The following ZNF782 variants were observed in gnomAD, a reference collection of about 807,000 sequenced individuals.
ZNF782 encodes zinc finger protein 782.
ZNF782 carries 12 observed loss-of-function variants against 13.0 expected under a neutral mutation model. The ratio of observed to expected loss-of-function variants is 0.92; its 90% CI spans 0.59 to 1.50. The LOEUF (loss-of-function observed/expected upper bound fraction) is 1.50, where lower values mean the gene tolerates loss of function less well. Ranked by LOEUF, ZNF782 falls within the 40% of genes most tolerant of loss-of-function variation. The pLI, the probability that ZNF782 is intolerant of heterozygous loss-of-function variation, is 0.00. For synonymous variants in ZNF782, 284 were observed against 283.0 expected (o/e 1.00, Z -0.04); for missense variants, 770 against 822.9 (o/e 0.94, Z 0.79).
intron 4 of ZNF782, among the ~76,000 whole-genome samples, chr9:96,833,097 G>T (rs573715579): frequency 6.6e-6 from 1 of 152,168 alleles, no homozygotes; most frequent in South Asian, 2.1e-4. Context: ...CACATGTAAT[G>T]ATTTTTTAAA....
the ZNF782 span, among the ~76,000 whole-genome samples, chr9:96,930,886 T>TG: frequency 2.8e-5 from 2 of 70,692 alleles, no homozygotes; most frequent in Non-Finnish European, 5.3e-5. Context: ...TTTTTTTTTT[T>TG]TTTTTTTTTT....
chr9:96,822,359 A>G lies in ZNF782; in HGVS notation c.245-2581T>C, dbSNP rs78174006. ...GAGACCATTCTTTTTAGTGGGTTAT[A>G]ATCCAGGTGGGAATGGAGCACATTC... On this transcript the variant is annotated intron_variant, in intron 5 of 5. Coordinates refer to ENST00000481138, the MANE Select transcript of ZNF782 (RefSeq NM_001001662.3). Among the ~76,000 whole-genome samples the G allele has an allele frequency of 2.3e-4, 35 of 152,372 alleles. No homozygotes were observed. In the East Asian group the frequency reaches 5.2e-3, roughly 23 times the overall value.
the ZNF782 span, among the ~76,000 whole-genome samples, chr9:96,907,507 G>A: frequency 3.9e-5 from 6 of 152,294 alleles, no homozygotes; most frequent in Admixed American, 1.3e-4. Context: ...GTAGTTTACC[G>A]CAATTTAAAA....
At chr9:96,859,996 A>G (rs1422920915) in intron 3 of ZNF782, among the ~76,000 whole-genome samples, 1 of 152,104 alleles carries the variant, frequency 6.6e-6, no homozygotes, top group African/African-American at 2.4e-5. Flanking sequence ...AATCCGCATG[A>G]GACTGTGATG....
intron 1 of ZNF782, among the ~76,000 whole-genome samples, chr9:96,868,949 G>A (rs377419572): frequency 7.2e-5 from 11 of 152,100 alleles, no homozygotes; most frequent in African/African-American, 2.7e-4. Flanking sequence ...TGATGTCGAT[G>A]TTCCTGGCAG....
upstream of ZNF782, among the ~76,000 whole-genome samples, chr9:96,855,308 G>GT (rs1410359938): frequency 9.9e-5 from 15 of 152,140 alleles, no homozygotes. Flanking sequence ...GGTTACATGA[G>GT]TAAGTTCTTT....
At chr9:96,873,888 T>C (rs151263578) in intron 1 of ZNF782, among the ~76,000 whole-genome samples, 40 of 152,300 alleles carry the variant, frequency 2.6e-4, no homozygotes, top group African/African-American at 9.1e-4. Flanking sequence ...GAAACTAAGT[T>C]TCTAGTAGGG....
chr9:96,927,447 C>T, the ZNF782 span, among the ~76,000 whole-genome samples: 1 of 151,862 alleles, frequency 6.6e-6, no homozygotes, highest in Non-Finnish European at 1.5e-5. Flanking sequence ...ATAATGGCTA[C>T]TCCTGACTTC....
the ZNF782 span, chr9:96,891,229 A>G: frequency 6.6e-6 from 1 of 152,190 alleles, no homozygotes; most frequent in Non-Finnish European, 1.5e-5. Context: ...CAACTTTCTG[A>G]GTGTATTTAA....
chr9:96,866,179 G>A (rs1588175654), intron 1 of ZNF782, among the ~76,000 whole-genome samples: 1 of 152,318 alleles, frequency 6.6e-6, no homozygotes, highest in East Asian at 1.9e-4. Flanking sequence ...TCCAGGGCAT[G>A]TCAGAGACCT....
At chr9:96,868,505 T>A (rs1187466068) in intron 1 of ZNF782, among the ~76,000 whole-genome samples, 2 of 152,228 alleles carry the variant, frequency 1.3e-5, no homozygotes, top group Non-Finnish European at 2.9e-5. Flanking sequence ...TTATAAGGGT[T>A]TTCTCCCTTG....
At chr9:96,828,973 C>T (rs1850713988) in intron 4 of ZNF782, among the ~76,000 whole-genome samples, 1 of 150,896 alleles carries the variant, frequency 6.6e-6, no homozygotes, top group South Asian at 2.1e-4. Context: ...TTAAAGCTGA[C>T]TTCTTGTTAG....
At chr9:96,885,018 T>C in the ZNF782 span, among the ~76,000 whole-genome samples, 9 of 151,850 alleles carry the variant, frequency 5.9e-5, no homozygotes, top group South Asian at 1.7e-3. Context: ...CAACAAGCAA[T>C]TGCAATTTTA....
rs1273422239 is a variant in ZNF782, at chr9:96,818,494, T to C, written c.1529A>G (p.Glu510Gly). The change falls in exon 6 of 6, where the codon GAA (glutamate) becomes GGA (glycine). Residue 510 changes from glutamate to glycine, a missense_variant. Glu to Gly is a moderately conservative substitution (Grantham distance 98). Transcript: ENST00000481138. Reference protein sequence around the residue: ...HTGERPYKCDECGKAFKLKSG... With the variant: ...HTGERPYKCDGCGKAFKLKSG... ...CTTCAGTTTGAAAGCTTTCCCACAT[T>C]CATCACATTTATATGGTCTTTCCCC... 1 of 1,613,964 alleles carries C rather than the reference T, an allele frequency of 6.2e-7. No homozygotes were observed. The highest frequency in any genetic ancestry group is 8.5e-7 in the Non-Finnish European group (1 of 1,180,004).
upstream of ZNF782, among the ~76,000 whole-genome samples, chr9:96,855,176 T>C (rs765592825): frequency 2.6e-5 from 4 of 152,364 alleles, no homozygotes; most frequent in African/African-American, 4.8e-5. Flanking sequence ...AATTCTCTTA[T>C]TGATTCAACA....
At chr9:96,925,628 C>CAAAAA in the ZNF782 span, among the ~76,000 whole-genome samples, 1 of 85,590 alleles carries the variant, frequency 1.2e-5, no homozygotes, top group African/African-American at 3.8e-5. Flanking sequence ...GACTCTATCT[C>CAAAAA]AAAAAAAAAA....
At chr9:96,868,846 C>T (rs565291050) in intron 1 of ZNF782, among the ~76,000 whole-genome samples, 3 of 152,168 alleles carry the variant, frequency 2.0e-5, no homozygotes, top group Non-Finnish European at 2.9e-5. Flanking sequence ...TTGAAGATAG[C>T]CCAGTTGACT....
At chr9:96,884,180 G>T in the ZNF782 span, among the ~76,000 whole-genome samples, 1 of 152,198 alleles carries the variant, frequency 6.6e-6, no homozygotes, top group African/African-American at 2.4e-5. Flanking sequence ...GGCAGGAGGA[G>T]CTGAGATTCC....
At chr9:96,852,088 G>T in intron 2 of ZNF782, 83 bp from the exon 3 acceptor site, 1 of 871,938 alleles carries the variant, frequency 1.1e-6, no homozygotes, top group Non-Finnish European at 1.8e-6. Context: ...CAGCAACCCA[G>T]TTGGAGAGCA....
Sources: allele counts gnomAD v4.1 joint callset (sites outside exome capture counted in the v4.1 genomes callset), GRCh38; gene constraint gnomAD v4.1.1; transcripts MANE v1.5; gene names NCBI Gene and HGNC (gene_info 2026-07-23, HGNC 2026-07-21).